Variants in LEPR observed in about 807,000 individuals in gnomAD.
The protein encoded by LEPR is leptin receptor.
LEPR carries 56 observed loss-of-function variants against 114.7 expected under a neutral mutation model. The ratio of observed to expected loss-of-function variants is 0.49; its 90% CI spans 0.39 to 0.61. The LOEUF is 0.61. Among genes scored for constraint, LEPR ranks in the 20% least tolerant of loss-of-function variants. The pLI is 0.00. For missense variants in LEPR, 1,202 were observed against 1,352.9 expected, an observed-to-expected ratio of 0.89 and a Z score of 1.75; for synonymous variants, 443 against 461.4, an observed-to-expected ratio of 0.96 and a Z score of 0.51.
At chr1:65,615,969 T>G (rs937161038) in intron 14 of LEPR, 39 bp from the exon 15 acceptor site, 22 of 1,612,322 alleles carry the variant, frequency 1.4e-5, no homozygotes, top group Non-Finnish European at 1.8e-5. Context: ...TAAAAAGCAC[T>G]GCAGCCCTTA....
chr1:65,429,815 G>A (rs1357578342), intron 2 of LEPR: 1 of 1,353,290 alleles, frequency 7.4e-7, no homozygotes, highest in Non-Finnish European at 9.7e-7. Context: ...CATTTAAAAT[G>A]TAACTGTTAC....
chr1:65,431,549 G>A (rs1357095560), intron 2 of LEPR, among the ~76,000 whole-genome samples: 2 of 152,142 alleles, frequency 1.3e-5, no homozygotes, highest in African/African-American at 4.8e-5. Flanking sequence ...GGCAATCATT[G>A]TCAATTAAAA....
chr1:65,544,650 A>C (rs1651512197), intron 2 of LEPR, among the ~76,000 whole-genome samples: 1 of 151,510 alleles, frequency 6.6e-6, no homozygotes, highest in Non-Finnish European at 1.5e-5. Context: ...AGCATGAAGC[A>C]GTGTTGAATA....
intron 2 of LEPR, among the ~76,000 whole-genome samples, chr1:65,473,513 C>G (rs1160804762): frequency 6.6e-6 from 1 of 152,168 alleles, no homozygotes; most frequent in Admixed American, 6.5e-5. Flanking sequence ...TACAAAGAGA[C>G]TTCCTTGAAT....
chr1:65,515,526 A>C (rs1211842929), intron 2 of LEPR, among the ~76,000 whole-genome samples: 1 of 152,194 alleles, frequency 6.6e-6, no homozygotes, highest in Non-Finnish European at 1.5e-5. Context: ...TTACTTTTGT[A>C]CCCCAAGAAT....
intron 19 of LEPR, chr1:65,623,192 TGA>T (rs1657990761): frequency 1.8e-6 from 1 of 551,226 alleles, no homozygotes; most frequent in African/African-American, 1.9e-5. Flanking sequence ...GTTTATCGTA[TGA>T]GAGTTCACAA....
intron 19 of LEPR, among the ~76,000 whole-genome samples, chr1:65,626,632 A>T (rs1411356697): frequency 1.3e-5 from 2 of 152,152 alleles, no homozygotes; most frequent in Non-Finnish European, 2.9e-5. Flanking sequence ...TTAATCTCCT[A>T]AACAATTAAA....
Position 65,639,522 on chromosome 1 carries a change from G to T in LEPR, c.*2507G>T, listed in dbSNP as rs2376019. 24 of 152,102 alleles carry T rather than the reference G, an allele frequency of 1.6e-4. No individual in the cohort carries two copies. The highest frequency in any genetic ancestry group is 5.8e-4 in the African/African-American group (24 of 41,490). 9.4% of individuals were successfully genotyped at this position (152,102 alleles called of 1,614,324 possible). ...AAATACTGGATTTTCACATAATTTA[G>T]AAAAAATTTAGAATGTTTTATGCCT... On this transcript the variant is annotated 3_prime_UTR_variant, in exon 20 of 20. Transcript: ENST00000349533.
At chr1:65,453,559 GGTT>G (rs1447872390) in intron 2 of LEPR, among the ~76,000 whole-genome samples, 1 of 152,094 alleles carries the variant, frequency 6.6e-6, no homozygotes, top group African/African-American at 2.4e-5. Flanking sequence ...TTCAGGAGCA[GGTT>G]GTTCAGTTTC....
chr1:65,490,552 TC>T (rs1647810884), intron 2 of LEPR, among the ~76,000 whole-genome samples: 1 of 152,148 alleles, frequency 6.6e-6, no homozygotes, highest in Admixed American at 6.6e-5. Context: ...TCTGAACTTT[TC>T]CCCGTTCAAT....
intron 5 of LEPR, chr1:65,577,065 C>T: frequency 4.6e-6 from 1 of 219,608 alleles, no homozygotes; most frequent in Non-Finnish European, 9.4e-6. Context: ...TCAGTTGAAT[C>T]CTCCACGGAC....
At chr1:65,493,932 T>A (rs765741232) in intron 2 of LEPR, 9 of 152,168 alleles carry the variant, frequency 5.9e-5, no homozygotes, top group Non-Finnish European at 1.2e-4. Context: ...TTGAAAACAT[T>A]TCCACTAATG....
intron 2 of LEPR, among the ~76,000 whole-genome samples, chr1:65,503,674 A>G (rs1648575432): frequency 6.6e-6 from 1 of 152,164 alleles, no homozygotes; most frequent in Non-Finnish European, 1.5e-5. Flanking sequence ...GAAGGCAAGA[A>G]TGATTCATAT....
intron 2 of LEPR, among the ~76,000 whole-genome samples, chr1:65,452,153 G>A (rs977070203): frequency 3.9e-5 from 6 of 152,134 alleles, no homozygotes; most frequent in African/African-American, 1.4e-4. Context: ...TGCTGAAGTT[G>A]CTTATCAATT....
chr1:65,636,930 T>C lies in LEPR; in HGVS notation c.3413T>C (p.Phe1138Ser), dbSNP rs1658738101. The C allele has an allele frequency of 6.2e-7, 1 of 1,608,614 alleles. No individual in the cohort carries two copies. Among genetic ancestry groups the C allele is most frequent in the South Asian group, 1.1e-5 (1 of 90,180 alleles). Residue 1138 changes from phenylalanine (F) to serine (S), a missense_variant, in exon 20 of 20, where the codon TTT (phenylalanine) becomes TCT (serine). By Grantham distance (155) the Phe-to-Ser change is radical. Transcript: ENST00000349533. Reference protein sequence around the residue: ...INLGTSSKKTFASYMPQFQTC... With the variant: ...INLGTSSKKTSASYMPQFQTC... ...TTAGGAACTTCTAGTAAGAAGACTT[T>C]TGCATCTTACATGCCTCAATTCCAA... is the stretch of plus-strand genomic sequence containing the variant.
At chr1:65,452,758 T>C (rs1297564832) in intron 2 of LEPR, among the ~76,000 whole-genome samples, 2 of 152,054 alleles carry the variant, frequency 1.3e-5, no homozygotes, top group Admixed American at 1.3e-4. Flanking sequence ...GTTGTGTCTC[T>C]GCCCGGCTTT....
intron 2 of LEPR, among the ~76,000 whole-genome samples, chr1:65,475,006 C>CAAAAA (rs1325552861): frequency 4.2e-4 from 10 of 23,912 alleles, no homozygotes; most frequent in Admixed American, 6.8e-4. Context: ...GACTCCATCT[C>CAAAAA]AAAAAAAAAA....
chr1:65,610,764 T>A (rs1657116493), intron 14 of LEPR, among the ~76,000 whole-genome samples: 1 of 152,246 alleles, frequency 6.6e-6, no homozygotes, highest in Non-Finnish European at 1.5e-5. Flanking sequence ...ATGATGGCTG[T>A]TTAGCCTAGT....
intron 10 of LEPR, among the ~76,000 whole-genome samples, chr1:65,603,141 G>T (rs1050944890): frequency 6.6e-6 from 1 of 152,100 alleles, no homozygotes; most frequent in Admixed American, 6.5e-5. Context: ...GTGTTTCTGC[G>T]AGAGTTAATG....
Sources: gnomAD v4.1 joint callset for allele counts (sites outside exome capture counted in the v4.1 genomes callset) on GRCh38, gnomAD v4.1.1 for gene constraint, MANE v1.5 for transcripts, NCBI Gene and HGNC (gene_info 2026-07-23, HGNC 2026-07-21) for gene names.